CAPS2: variants seen among roughly 807,000 people sequenced by gnomAD.
CAPS2 encodes calcyphosin-2.
In CAPS2, 98 loss-of-function variants were observed where a neutral mutation model predicts 86.5. The observed-to-expected ratio is 1.13, with a 90% CI of 0.96 to 1.34. CAPS2 has a LOEUF of 1.34. CAPS2 is among the 40% of genes most tolerant of loss of function. The pLI, the probability that CAPS2 is intolerant of heterozygous loss-of-function variation, is 0.00. For missense variants in CAPS2, 729 were observed against 686.8 expected, an observed-to-expected ratio of 1.06 and a Z score of -0.69; for synonymous variants, 210 against 225.1, an observed-to-expected ratio of 0.93 and a Z score of 0.60.
At chr12:75,353,729 G>T (rs1435959525) in intron 1 of CAPS2, among the ~76,000 whole-genome samples, 2 of 152,124 alleles carry the variant, frequency 1.3e-5, no homozygotes, top group African/African-American at 4.8e-5. Flanking sequence ...GAACATCAAT[G>T]CAAAAATTCT....
intron 1 of CAPS2, among the ~76,000 whole-genome samples, chr12:75,388,478 G>T (rs1228749302): frequency 1.3e-5 from 2 of 152,132 alleles, no homozygotes; most frequent in Admixed American, 1.3e-4. Context: ...TAGGTATCAA[G>T]CCACGAAAAG....
At chr12:75,329,653 C>A (rs554011315), upstream of CAPS2, among the ~76,000 whole-genome samples, 1 of 152,072 alleles carries the variant, frequency 6.6e-6, no homozygotes, top group East Asian at 1.9e-4. Context: ...GATGTAAATA[C>A]AATTTAGTAT....
intron 5 of CAPS2, among the ~76,000 whole-genome samples, chr12:75,321,190 A>T (rs1006464840): frequency 1.3e-5 from 2 of 152,170 alleles, no homozygotes; most frequent in Admixed American, 1.3e-4. Flanking sequence ...TTGTCAGAAA[A>T]TGATGACAAT....
intron 16 of CAPS2, among the ~76,000 whole-genome samples, chr12:75,281,775 T>C (rs528613617): frequency 1.3e-5 from 2 of 152,176 alleles, no homozygotes; most frequent in South Asian, 4.2e-4. Flanking sequence ...TAGTAGGATA[T>C]AAATCTCCAG....
intron 1 of CAPS2, among the ~76,000 whole-genome samples, chr12:75,354,470 G>A (rs1228530201): frequency 6.6e-6 from 1 of 152,026 alleles, no homozygotes; most frequent in Non-Finnish European, 1.5e-5. Flanking sequence ...CACTGCTCAA[G>A]GAAATCAGAG....
At chr12:75,385,771 GAA>G (rs1454609286) in intron 1 of CAPS2, among the ~76,000 whole-genome samples, 3 of 152,140 alleles carry the variant, frequency 2.0e-5, no homozygotes, top group African/African-American at 4.8e-5. Context: ...GGTTAATATA[GAA>G]AAGTCAGTTA....
chr12:75,385,153 C>T (rs2045223430), intron 1 of CAPS2, among the ~76,000 whole-genome samples: 1 of 152,122 alleles, frequency 6.6e-6, no homozygotes, highest in Non-Finnish European at 1.5e-5. Flanking sequence ...GGTATTTCAC[C>T]AAACGCAGCC....
upstream of CAPS2, among the ~76,000 whole-genome samples, chr12:75,333,178 ATATG>A (rs2139189121): frequency 6.6e-6 from 1 of 152,268 alleles, no homozygotes; most frequent in South Asian, 2.1e-4. Flanking sequence ...GTATACAAAC[ATATG>A]TATATGTATA....
At chr12:75,331,065 A>G (rs562416760), upstream of CAPS2, among the ~76,000 whole-genome samples, 58 of 152,272 alleles carry the variant, frequency 3.8e-4, no homozygotes, top group African/African-American at 1.3e-3. Flanking sequence ...ATTTACAGGC[A>G]TGAGCCACCA....
intron 1 of CAPS2, among the ~76,000 whole-genome samples, chr12:75,342,810 T>C (rs1398696707): frequency 6.6e-6 from 1 of 152,120 alleles, no homozygotes; most frequent in Non-Finnish European, 1.5e-5. Flanking sequence ...GAACATTTTA[T>C]ATCTCTCCAT....
At chr12:75,281,465 A>ATTGT (rs1248319702) in intron 16 of CAPS2, among the ~76,000 whole-genome samples, 3 of 152,002 alleles carry the variant, frequency 2.0e-5, no homozygotes, top group Non-Finnish European at 4.4e-5. Flanking sequence ...GGATTAACAT[A>ATTGT]TAAAGAACTC....
chr12:75,278,813 G>A, exon 17 of CAPS2: 1 of 1,350,072 alleles, frequency 7.4e-7, no homozygotes, highest in Non-Finnish European at 9.6e-7. Flanking sequence ...ATATATTCCA[G>A]TGTTTGATCA....
At chr12:75,293,197 A>T (rs1481275264) in intron 12 of CAPS2, 52 bp downstream of exon 12, 1 of 1,031,010 alleles carries the variant, frequency 9.7e-7, no homozygotes, top group African/African-American at 1.6e-5. Context: ...AAGATAATTT[A>T]AAAATAGTGT....
intron 9 of CAPS2, 111 bp from the exon 10 acceptor site, chr12:75,299,077 C>T (rs2037384582): frequency 1.1e-5 from 7 of 654,966 alleles, no homozygotes; most frequent in Middle Eastern, 4.3e-4. Flanking sequence ...ATGTATGTGG[C>T]AATGAGTGAA....
chr12:75,365,390 G>A (rs941997443), intron 1 of CAPS2: 4 of 152,026 alleles, frequency 2.6e-5, no homozygotes, highest in Middle Eastern at 3.2e-3. Context: ...TTCCACTAGG[G>A]CACTAACTAA....
intron 14 of CAPS2, among the ~76,000 whole-genome samples, chr12:75,287,494 G>A (rs1360943154): frequency 1.3e-5 from 2 of 151,990 alleles, no homozygotes; most frequent in Non-Finnish European, 2.9e-5. Flanking sequence ...ATCAGTATTA[G>A]GTCATACACT....
chr12:75,281,028 T>A (rs73357354), intron 16 of CAPS2, among the ~76,000 whole-genome samples: 1 of 151,818 alleles, frequency 6.6e-6, no homozygotes, highest in African/African-American at 2.4e-5. Context: ...TCCTTAAAGA[T>A]GGACAATCAA....
chr12:75,382,633 C>T lies in CAPS2; in HGVS notation c.-395+8205G>A, dbSNP rs529899587. On this transcript the variant is annotated intron_variant, in intron 1 of 5. Coordinates refer to the CAPS2 transcript ENST00000551829. ...CCAGCCTGGGCGACAGAGTGAGACT[C>T]CATCTCAAAAAAAAAAAGAAGAAGA... 2.2e-3 allele frequency among the ~76,000 whole-genome samples: 292 copies of T among 134,868 alleles called. 14 individuals are homozygous for T. The South Asian group carries it at 0.065, about 30-fold the overall frequency. 88.5% of individuals were successfully genotyped at this position (134,868 alleles called of 152,430 possible).
intron 1 of CAPS2, among the ~76,000 whole-genome samples, chr12:75,359,054 G>C (rs945722527): frequency 6.7e-6 from 1 of 150,194 alleles, no homozygotes; most frequent in Non-Finnish European, 1.5e-5. Context: ...CTACTGTATA[G>C]AAAATCCACT....
Sources: gnomAD v4.1 joint callset for allele counts (sites outside exome capture counted in the v4.1 genomes callset) on GRCh38, gnomAD v4.1.1 for gene constraint, MANE v1.5 for transcripts, NCBI Gene and HGNC (gene_info 2026-07-23, HGNC 2026-07-21) for gene names.